ADARB2: variants seen among roughly 807,000 people sequenced by gnomAD.
ADARB2 encodes inactive double-stranded RNA-specific editase B2.
Under a neutral mutation model 62.2 loss-of-function variants are expected in ADARB2, and 25 were observed. That is an observed-to-expected ratio of 0.40 (90% CI 0.29 to 0.56). ADARB2 has a LOEUF of 0.56. Among genes scored for constraint, ADARB2 ranks in the 20% least tolerant of loss-of-function variants. The probability of loss-of-function intolerance (pLI) is 0.43; values close to 1 mark genes in which losing one functional copy is unlikely to be tolerated. For synonymous variants in ADARB2, 572 were observed against 500.8 expected (o/e 1.14, Z -1.90); for missense variants, 1,071 against 1,077.4 (o/e 0.99, Z 0.08).
intron 1 of ADARB2, among the ~76,000 whole-genome samples, chr10:1,499,172 C>T (rs1490673958): frequency 6.6e-6 from 1 of 151,672 alleles, no homozygotes; most frequent in Non-Finnish European, 1.5e-5. Flanking sequence ...CATCATTCAT[C>T]ATTCACTCAT....
intron 1 of ADARB2, among the ~76,000 whole-genome samples, chr10:1,463,108 G>T (rs1478725844): frequency 6.6e-6 from 1 of 152,152 alleles, no homozygotes; most frequent in Non-Finnish European, 1.5e-5. Flanking sequence ...GTCATGGTGG[G>T]TTTGTGGGCC....
intron 1 of ADARB2, among the ~76,000 whole-genome samples, chr10:1,661,063 C>T (rs980603168): frequency 9.9e-5 from 15 of 152,064 alleles, no homozygotes; most frequent in Admixed American, 4.6e-4. Context: ...AGAAACATTC[C>T]GAGCCTGCGA....
intron 1 of ADARB2, among the ~76,000 whole-genome samples, chr10:1,594,853 A>C (rs995015804): frequency 6.6e-6 from 1 of 152,170 alleles, no homozygotes; most frequent in East Asian, 1.9e-4. Context: ...ACTTCGTTGT[A>C]TCGGGGCAGA....
At chr10:1,368,594 G>A (rs1832334360) in intron 2 of ADARB2, among the ~76,000 whole-genome samples, 1 of 152,128 alleles carries the variant, frequency 6.6e-6, no homozygotes, top group Non-Finnish European at 1.5e-5. Flanking sequence ...TTTTGAGGGA[G>A]TTTTGCTCCC....
chr10:1,228,182 G>A (rs139131653), intron 6 of ADARB2, among the ~76,000 whole-genome samples: 39 of 152,330 alleles, frequency 2.6e-4, no homozygotes, highest in African/African-American at 9.4e-4. Flanking sequence ...GCATGTACTT[G>A]TAGGTAAATA....
chr10:1,233,709 C>G lies in ADARB2; in HGVS notation c.1498G>C (p.Glu500Gln), dbSNP rs781626081. ...GGTCTCTTACGGTCTGTGGTGATCT[C>G]GTAGGGAGAGTGGAGTCTTGCGTCT... The part of the protein sequence containing the change: ...CGDARLHSPY[E>Q]ITTDLHSSKH... Residue 500 changes from glutamate to glutamine, a missense_variant, in exon 6 of 10, where the codon GAG (glutamate) becomes CAG (glutamine). Physicochemically the swap from Glu to Gln is conservative, Grantham distance 29 (BLOSUM62 2). Transcript: ENST00000381312. 2.7e-5 allele frequency: 43 copies of G among 1,613,394 alleles called. No homozygotes were observed. Among genetic ancestry groups the G allele is most frequent in the Non-Finnish European group, 3.6e-5 (42 of 1,179,806 alleles).
rs572678346 is a variant in ADARB2 at position 1,298,481 on chromosome 10, G to A, written c.1078-27412C>T. Among the ~76,000 whole-genome samples the A allele has an allele frequency of 3.3e-5, 5 of 152,232 alleles. 1 individual carries two copies. The South Asian group carries it at 8.3e-4, about 25-fold the overall frequency. On this transcript the variant is annotated intron_variant, in intron 3 of 9. Coordinates refer to ENST00000381312, the MANE Select transcript of ADARB2 (RefSeq NM_018702.4). ...TACAGCCTATATTTGAGATGCTATT[G>A]CGCTTAAAACCTAGGCAGGATGGTA...
intron 4 of ADARB2, among the ~76,000 whole-genome samples, chr10:1,242,531 C>G (rs983538517): frequency 4.6e-5 from 7 of 152,220 alleles, no homozygotes; most frequent in African/African-American, 1.4e-4. Context: ...CTCAGAGTGC[C>G]TCTGCTATCC....
At chr10:1,474,755 G>A (rs528779036) in intron 1 of ADARB2, among the ~76,000 whole-genome samples, 1 of 152,178 alleles carries the variant, frequency 6.6e-6, no homozygotes, top group Non-Finnish European at 1.5e-5. Flanking sequence ...GACTGGGTGG[G>A]GCATCCAAGC....
chr10:1,470,478 T>A (rs1029168869), intron 1 of ADARB2, among the ~76,000 whole-genome samples: 2 of 152,184 alleles, frequency 1.3e-5, no homozygotes, highest in African/African-American at 4.8e-5. Flanking sequence ...AACTTTATAC[T>A]TAGCAAAATG....
At position 1,363,658 on chromosome 10, in the gene ADARB2, G is replaced by A; in HGVS notation, c.447C>T (p.Gly149=). 1.2e-6 allele frequency: 2 copies of A among 1,607,670 alleles called. No individual in the cohort carries two copies. Among genetic ancestry groups the A allele is most frequent in the East Asian group, 4.5e-5 (2 of 44,408 alleles). ...CCGCGAAGACCGGGGCATGCACCGG[G>A]CCCGTCTGCGACACTGTCCGGTACT... ...GLQYRTVSQT[G]PVHAPVFAVA... is the part of the protein sequence containing the mutation. Residue 149 remains glycine (G), a synonymous_variant, in exon 3 of 10, where the codon GGC becomes GGT. Coordinates refer to ENST00000381312, the MANE Select transcript of ADARB2 (RefSeq NM_018702.4).
intron 1 of ADARB2, among the ~76,000 whole-genome samples, chr10:1,468,720 C>T (rs552566575): frequency 3.4e-4 from 52 of 152,326 alleles, no homozygotes; most frequent in Admixed American, 6.5e-4. Context: ...CTTCCTTCTT[C>T]TGACTCAGAC....
chr10:1,581,408 G>A (rs1485829951), intron 1 of ADARB2, among the ~76,000 whole-genome samples: 1 of 152,220 alleles, frequency 6.6e-6, no homozygotes, highest in Non-Finnish European at 1.5e-5. Context: ...AGCTCAGGCG[G>A]CCACGTGGCC....
At chr10:1,624,721 A>G (rs1012406525) in intron 1 of ADARB2, among the ~76,000 whole-genome samples, 2 of 152,246 alleles carry the variant, frequency 1.3e-5, no homozygotes, top group East Asian at 1.9e-4. Context: ...GTTATGTACT[A>G]CTTGACAGCA....
intron 1 of ADARB2, among the ~76,000 whole-genome samples, chr10:1,412,290 G>A (rs1214344762): frequency 3.9e-5 from 6 of 152,062 alleles, no homozygotes; most frequent in Non-Finnish European, 8.8e-5. Flanking sequence ...CGCAAACCCT[G>A]TTAAAGAGCT....
chr10:1,654,676 G>A (rs917238779), intron 1 of ADARB2, among the ~76,000 whole-genome samples: 1 of 152,244 alleles, frequency 6.6e-6, no homozygotes, highest in Non-Finnish European at 1.5e-5. Context: ...TCCCAGCATG[G>A]ACCGATCCCG....
At chr10:1,557,620 C>T (rs995110603) in intron 1 of ADARB2, among the ~76,000 whole-genome samples, 12 of 152,162 alleles carry the variant, frequency 7.9e-5, no homozygotes, top group East Asian at 1.9e-4. Flanking sequence ...AAAGAACTTC[C>T]GGGCCGGGTG....
chr10:1,627,187 C>A (rs996061973), intron 1 of ADARB2, among the ~76,000 whole-genome samples: 1 of 152,022 alleles, frequency 6.6e-6, no homozygotes, highest in Non-Finnish European at 1.5e-5. Flanking sequence ...TAACTTGGGA[C>A]GTGCACAAGA....
At chr10:1,337,062 C>CTGTGTGTGTGTGTGTGTG (rs145511384) in intron 3 of ADARB2, among the ~76,000 whole-genome samples, 290 of 142,130 alleles carry the variant, frequency 2.0e-3, no homozygotes, top group African/African-American at 7.5e-3. Flanking sequence ...TTAAAGATTT[C>CTGTGTGTGTGTGTGTGTG]TGTGTGTGTG....
Sources: gnomAD v4.1 joint callset for allele counts (sites outside exome capture counted in the v4.1 genomes callset) on GRCh38, gnomAD v4.1.1 for gene constraint, MANE v1.5 for transcripts, NCBI Gene and HGNC (gene_info 2026-07-23, HGNC 2026-07-21) for gene names.